The following PWP1 variants were observed in gnomAD, a reference collection of about 807,000 sequenced individuals.
PWP1 encodes the protein PWP1 homolog, endonuclein.
PWP1 carries 47 observed loss-of-function variants against 69.9 expected under a neutral mutation model. The ratio of observed to expected loss-of-function variants is 0.67; its 90% CI spans 0.53 to 0.86. The LOEUF (loss-of-function observed/expected upper bound fraction) is 0.86. Ranked by LOEUF, PWP1 falls within the 40% of genes least tolerant of loss-of-function variation. PWP1 has a pLI of 0.00. For missense variants in PWP1, 551 were observed against 608.8 expected, an observed-to-expected ratio of 0.91 and a Z score of 1.00; for synonymous variants, 222 against 208.2, an observed-to-expected ratio of 1.07 and a Z score of -0.57.
intron 1 of PWP1, 106 bp from the exon 2 acceptor site, chr12:107,688,342 C>T: frequency 2.4e-6 from 2 of 843,116 alleles, no homozygotes; most frequent in African/African-American, 1.7e-5. Flanking sequence ...ATCTTGATGA[C>T]ATTGCTTGGC....
intron 3 of PWP1, among the ~76,000 whole-genome samples, chr12:107,691,051 A>G (rs1000846879): frequency 6.6e-6 from 1 of 152,220 alleles, no homozygotes; most frequent in Non-Finnish European, 1.5e-5. Flanking sequence ...ACCAAAGTCA[A>G]TTAGCTGTCT....
chr12:107,694,079 A>G (rs1889535982), intron 5 of PWP1, among the ~76,000 whole-genome samples: 1 of 152,180 alleles, frequency 6.6e-6, no homozygotes, highest in Non-Finnish European at 1.5e-5. Flanking sequence ...GTATTTTTAA[A>G]TGTTGTTTTT....
At chr12:107,710,670 G>T (rs981503431) in intron 14 of PWP1, among the ~76,000 whole-genome samples, 160 bp downstream of exon 14, 2 of 151,930 alleles carry the variant, frequency 1.3e-5, no homozygotes, top group African/African-American at 4.8e-5. Flanking sequence ...TTACAGGTGT[G>T]AGCCATCATG....
chr12:107,712,405 T>C lies in PWP1; in HGVS notation c.*185T>C. The C allele has an allele frequency of 2.0e-6, 1 of 512,382 alleles. No individual in the cohort carries two copies. Among genetic ancestry groups the C allele is most frequent in the Non-Finnish European group, 3.5e-6 (1 of 287,608 alleles). 31.7% of individuals were successfully genotyped at this position (512,382 alleles called of 1,614,324 possible). Reference sequence around the variant, plus strand: ...TCTTTGTGCTTGCTCTTCAGATGGATGGTTTGTAAGGCTCTTGTTGCATTT... The same window carrying C: ...TCTTTGTGCTTGCTCTTCAGATGGACGGTTTGTAAGGCTCTTGTTGCATTT... On this transcript the variant is annotated 3_prime_UTR_variant, in exon 15 of 15. Coordinates refer to ENST00000412830, the MANE Select transcript of PWP1 (RefSeq NM_007062.3).
At chr12:107,702,759 C>T (rs1165861236) in intron 8 of PWP1, among the ~76,000 whole-genome samples, 176 bp from the exon 9 acceptor site, 1 of 152,202 alleles carries the variant, frequency 6.6e-6, no homozygotes, top group Non-Finnish European at 1.5e-5. Flanking sequence ...TTTAGATACT[C>T]TTGTTTCCTT....
At chr12:107,709,341 A>G (rs1474874442) in intron 13 of PWP1, 109 bp downstream of exon 13, 3 of 1,360,286 alleles carry the variant, frequency 2.2e-6, no homozygotes, top group Admixed American at 2.1e-5. Flanking sequence ...ATTAACAAAT[A>G]TGGATGTGTT....
At chr12:107,710,206 C>T (rs577688908) in intron 13 of PWP1, among the ~76,000 whole-genome samples, 199 bp from the exon 14 acceptor site, 24 of 152,278 alleles carry the variant, frequency 1.6e-4, no homozygotes, top group Admixed American at 2.0e-4. Context: ...CAGCATGCTG[C>T]GCTTGTCTGG....
intron 5 of PWP1, among the ~76,000 whole-genome samples, chr12:107,693,340 T>G (rs1452752665): frequency 6.6e-6 from 1 of 150,836 alleles, no homozygotes; most frequent in Non-Finnish European, 1.5e-5. Context: ...CATAGGGGTG[T>G]TTTTTTTTGT....
chr12:107,710,984 C>T (rs553805458), intron 14 of PWP1, among the ~76,000 whole-genome samples: 3 of 152,230 alleles, frequency 2.0e-5, no homozygotes, highest in South Asian at 4.1e-4. Context: ...GACACACACA[C>T]AGAAATATAG....
In PWP1 at chr12:107,710,024, C is replaced by G. The variant is rs921296187; in HGVS notation, c.1291-381C>G. The stretch of plus-strand genomic sequence containing the variant: ...ATTAATAAAAATGTAAAAAAGAAAA[C>G]AAAGTTTAAAAATGATTTAAACTGG... On this transcript the variant is annotated intron_variant, in intron 13 of 14. Coordinates refer to ENST00000412830, the MANE Select transcript of PWP1 (RefSeq NM_007062.3). Among the ~76,000 whole-genome samples, 3 of 151,946 alleles carry G rather than the reference C, an allele frequency of 2.0e-5. No individual in the cohort carries two copies. The East Asian group carries it at 5.8e-4, about 29-fold the overall frequency.
intron 3 of PWP1, chr12:107,692,538 C>T: frequency 6.3e-6 from 2 of 318,518 alleles, no homozygotes; most frequent in Non-Finnish European, 1.2e-5. Context: ...CAAGAGAGTT[C>T]TCATATTTTC....
chr12:107,697,382 A>G, intron 6 of PWP1, 85 bp from the exon 7 acceptor site: 1 of 1,341,382 alleles, frequency 7.5e-7, no homozygotes, highest in Non-Finnish European at 9.9e-7. Flanking sequence ...AGCATTTTTC[A>G]GTTAATCTAC....
chr12:107,704,398 G>C (rs1451327713), intron 10 of PWP1, among the ~76,000 whole-genome samples: 2 of 152,144 alleles, frequency 1.3e-5, no homozygotes, highest in African/African-American at 4.8e-5. Flanking sequence ...TGGAAGATTT[G>C]ACCTGGAGAA....
chr12:107,691,086 A>G (rs554995238), intron 3 of PWP1, among the ~76,000 whole-genome samples: 91 of 152,358 alleles, frequency 6.0e-4, no homozygotes, highest in African/African-American at 2.1e-3. Context: ...CAGGCAGGGC[A>G]TGTTTGAGCA....
At chr12:107,696,736 A>T in intron 6 of PWP1, 152 bp downstream of exon 6, 2 of 1,306,504 alleles carry the variant, frequency 1.5e-6, no homozygotes, top group South Asian at 1.6e-5. Context: ...AGTTCTTAAC[A>T]CACCATCACT....
At chr12:107,708,025 G>A (rs1889861167) in intron 11 of PWP1, among the ~76,000 whole-genome samples, 1 of 152,120 alleles carries the variant, frequency 6.6e-6, no homozygotes, top group Non-Finnish European at 1.5e-5. Context: ...TCTCAATTCT[G>A]CACGATTAGT....
rs1409302611 is a variant in PWP1 at position 107,713,047 on chromosome 12, G to T, written c.*827G>T. ...TATTTCCTGTATATTTCATGAATGT[G>T]ACTTCAGTCATTCTAGTGTTAATAC... On this transcript the variant is annotated 3_prime_UTR_variant, in exon 15 of 15. Transcript: ENST00000412830. 1 of 152,232 alleles carries T rather than the reference G, an allele frequency of 6.6e-6. No individual in the cohort carries two copies. The highest frequency in any genetic ancestry group is 1.5e-5 in the Non-Finnish European group (1 of 68,046). The allele number at this position is 152,232 out of a possible 1,614,324, so 9.4% of individuals were successfully genotyped here. A position where few individuals can be genotyped will look rare whatever the true frequency, so the allele number is the denominator to read the frequency against.
At position 107,712,925 on chromosome 12, in the gene PWP1, G is replaced by C. The variant is rs1443513719; in HGVS notation, c.*705G>C. On this transcript the variant is annotated 3_prime_UTR_variant, in exon 15 of 15. Coordinates refer to ENST00000412830, the MANE Select transcript of PWP1 (RefSeq NM_007062.3). ...TAATTATAGATTGTCTTCCTATTAA[G>C]TATGAGTTTTAGTAGGCATTAAAAA... 1 of 152,176 alleles carries C rather than the reference G, an allele frequency of 6.6e-6. No individual in the cohort carries two copies. Among genetic ancestry groups the C allele is most frequent in the African/African-American group, 2.4e-5 (1 of 41,442 alleles). 9.4% of individuals were successfully genotyped at this position (152,176 alleles called of 1,614,324 possible).
In PWP1 at chr12:107,696,495, C is replaced by T; in HGVS notation, c.524C>T (p.Ser175Phe). 1 of 1,613,886 alleles carries T rather than the reference C, an allele frequency of 6.2e-7. No homozygotes were observed. The highest frequency in any genetic ancestry group is 8.5e-7 in the Non-Finnish European group (1 of 1,179,946). ...TCAGTTTATAATCAAGAAGAAGACT[C>T]TTTTTATGTACACCATGATATACTC... ...EVHVYNQEEDSFYVHHDILLS... is the reference protein window; with the variant it reads ...EVHVYNQEEDFFYVHHDILLS... Residue 175 changes from serine (S) to phenylalanine (F), a missense_variant, in exon 6 of 15, where the codon TCT becomes TTT. Ser to Phe is a radical substitution (Grantham distance 155). Transcript: ENST00000412830.
Sources: gnomAD v4.1 joint callset for allele counts (sites outside exome capture counted in the v4.1 genomes callset) on GRCh38, gnomAD v4.1.1 for gene constraint, MANE v1.5 for transcripts, NCBI Gene and HGNC (gene_info 2026-07-23, HGNC 2026-07-21) for gene names.